Variants in TLN2 observed in about 807,000 individuals in gnomAD.
TLN2 encodes the protein talin 2, also known as talin-2.
In TLN2, 118 loss-of-function variants were observed where a neutral mutation model predicts 294.7. The ratio of observed to expected loss-of-function variants is 0.40; its 90% CI spans 0.34 to 0.47. The LOEUF is 0.47. TLN2 is among the 20% of genes least tolerant of loss of function. TLN2 has a pLI of 0.84. For missense variants in TLN2, 3,083 were observed against 3,282.2 expected, an observed-to-expected ratio of 0.94 and a Z score of 1.48; for synonymous variants, 1,431 against 1,304.5, an observed-to-expected ratio of 1.10 and a Z score of -2.09.
At chr15:62,732,684 A>T (rs2060794627) in intron 28 of TLN2, among the ~76,000 whole-genome samples, 1 of 152,196 alleles carries the variant, frequency 6.6e-6, no homozygotes, top group Non-Finnish European at 1.5e-5. Flanking sequence ...CAGGTAAGAG[A>T]TGGTAGTGTC....
intron 1 of TLN2, among the ~76,000 whole-genome samples, chr15:62,589,028 C>T (rs1350146882): frequency 6.6e-6 from 1 of 151,992 alleles, no homozygotes; most frequent in Non-Finnish European, 1.5e-5. Flanking sequence ...ATTGCACGTA[C>T]TTGGGACTGT....
intron 1 of TLN2, among the ~76,000 whole-genome samples, chr15:62,391,585 G>A (rs570409717): frequency 8.5e-5 from 13 of 152,254 alleles, no homozygotes; most frequent in African/African-American, 3.1e-4. Context: ...CTGGGTCCCG[G>A]GGAGAGCCCC....
chr15:62,652,083 G>A lies in TLN2; in HGVS notation c.313G>A (p.Asp105Asn). ...TGGATCTGTGAAGACAGTGATGGTG[G>A]ATGATTCCAAGACTGTGGGGGAGCT... ...LDGSVKTVMV[D>N]DSKTVGELLV... Residue 105 changes from aspartate (D) to asparagine (N), a missense_variant, in exon 6 of 59, where the codon GAT becomes AAT. Transcript: ENST00000636159. The A allele has an allele frequency of 6.2e-7, 1 of 1,611,724 alleles. No individual in the cohort carries two copies. The highest frequency in any genetic ancestry group is 8.5e-7 in the Non-Finnish European group (1 of 1,178,576).
intron 1 of TLN2, among the ~76,000 whole-genome samples, chr15:62,572,942 T>G (rs4775515): frequency 0.87 from 132,387 of 152,126 alleles, 57,871 homozygotes; most frequent in East Asian, 1. Flanking sequence ...CCTGGCCAAG[T>G]CCCGGCTTCA....
At chr15:62,588,690 A>G (rs537278855) in intron 1 of TLN2, among the ~76,000 whole-genome samples, 1 of 135,870 alleles carries the variant, frequency 7.4e-6, no homozygotes, top group Non-Finnish European at 1.6e-5. Flanking sequence ...ATATATATAT[A>G]TATATATATA....
chr15:62,785,491 C>T (rs2064562734), intron 45 of TLN2, among the ~76,000 whole-genome samples: 1 of 152,124 alleles, frequency 6.6e-6, no homozygotes, highest in African/African-American at 2.4e-5. Context: ...GGCGTACCCC[C>T]TTGTCTACAA....
intron 1 of TLN2, among the ~76,000 whole-genome samples, chr15:62,399,247 C>G (rs147959911): frequency 1.0e-5 from 1 of 95,532 alleles, no homozygotes; most frequent in South Asian, 3.7e-4. Flanking sequence ...AGCGAGACTC[C>G]GTCTCAAACA....
At position 62,761,786 on chromosome 15, in the gene TLN2, G is replaced by A. The variant is rs763365243; in HGVS notation, c.4744G>A (p.Glu1582Lys). 6.2e-7 allele frequency: 1 copy of A among 1,614,164 alleles called. No individual in the cohort carries two copies. The highest frequency in any genetic ancestry group is 1.3e-5 in the African/African-American group (1 of 75,036). Residue 1582 changes from glutamate (E) to lysine (K), a missense_variant, in exon 38 of 59, where the codon GAG becomes AAG. Coordinates refer to ENST00000636159, the MANE Select transcript of TLN2 (RefSeq NM_015059.3). ...ENLTAFASNP[E>K]FVSIPAQISS... ...CCTGACAGCGTTCGCCTCAAACCCTGAGTTTGTCAGCATTCCTGCCCAGAT... is the reference window on the plus strand; with the variant it reads ...CCTGACAGCGTTCGCCTCAAACCCTAAGTTTGTCAGCATTCCTGCCCAGAT...
intron 1 of TLN2, among the ~76,000 whole-genome samples, chr15:62,514,517 G>T (rs1393927818): frequency 6.6e-6 from 1 of 152,158 alleles, no homozygotes; most frequent in African/African-American, 2.4e-5. Flanking sequence ...ATTCACAGTG[G>T]TCATTAGCAT....
At chr15:62,482,440 TA>T (rs1427237224) in intron 1 of TLN2, among the ~76,000 whole-genome samples, 2 of 150,728 alleles carry the variant, frequency 1.3e-5, no homozygotes, top group Non-Finnish European at 3.0e-5. Context: ...CCATCTCTGC[TA>T]AAAATACAAA....
chr15:62,693,798 A>T (rs976748685), intron 13 of TLN2, among the ~76,000 whole-genome samples: 2 of 152,070 alleles, frequency 1.3e-5, no homozygotes, highest in African/African-American at 2.4e-5. Context: ...TATATATTAA[A>T]TCATATATTT....
intron 1 of TLN2, among the ~76,000 whole-genome samples, chr15:62,566,224 G>T (rs980234582): frequency 6.6e-6 from 1 of 152,062 alleles, no homozygotes; most frequent in Non-Finnish European, 1.5e-5. Context: ...CCAGTAGCTG[G>T]GGAGAAAGTT....
intron 3 of TLN2, among the ~76,000 whole-genome samples, chr15:62,624,580 C>CA (rs1381809314): frequency 2.6e-5 from 4 of 151,940 alleles, no homozygotes; most frequent in Non-Finnish European, 1.5e-5. Flanking sequence ...GAAAATATCA[C>CA]AGAAGAGCAG....
rs60589441 is a variant in TLN2 at position 62,673,072 on chromosome 15, T to TTGTGTGTGTGTGTGTGTGTGTGTG, written c.789-751_789-728dup. ...TATATAATGTAATATCCTAATTTAA[T>TTGTGTGTGTGTGTGTGTGTGTGTG]TGTGTGTGTGTGTGTGTGTGTGTGT... is the stretch of plus-strand genomic sequence containing the variant. On this transcript the variant is annotated intron_variant, in intron 9 of 58. Coordinates refer to ENST00000636159, the MANE Select transcript of TLN2 (RefSeq NM_015059.3). 9.7e-4 allele frequency among the ~76,000 whole-genome samples: 141 copies of TTGTGTGTGTGTGTGTGTGTGTGTG among 144,898 alleles called. 3 individuals carry two copies. Among genetic ancestry groups the TTGTGTGTGTGTGTGTGTGTGTGTG allele is most frequent in the Middle Eastern group, 6.9e-3 (2 of 288 alleles).
At chr15:62,455,684 G>A (rs942492880) in intron 1 of TLN2, among the ~76,000 whole-genome samples, 6 of 152,138 alleles carry the variant, frequency 3.9e-5, no homozygotes, top group Middle Eastern at 3.2e-3. Context: ...TGCCCTGCTC[G>A]GGGCTGCCTG....
At chr15:62,428,777 C>G (rs567653087) in intron 1 of TLN2, among the ~76,000 whole-genome samples, 1 of 152,180 alleles carries the variant, frequency 6.6e-6, no homozygotes, top group African/African-American at 2.4e-5. Context: ...AGGTGTCATA[C>G]GTCGTGTGTT....
At chr15:62,692,042 T>G (rs1310094875) in intron 12 of TLN2, among the ~76,000 whole-genome samples, 2 of 152,330 alleles carry the variant, frequency 1.3e-5, no homozygotes, top group East Asian at 3.9e-4. Context: ...AAGTTTAGCG[T>G]GTAGTATTCT....
At chr15:62,827,035 C>G (rs906069367) in intron 54 of TLN2, among the ~76,000 whole-genome samples, 2 of 150,636 alleles carry the variant, frequency 1.3e-5, no homozygotes, top group African/African-American at 4.9e-5. Context: ...AGAAGGGCGA[C>G]CATTGTGTTT....
At chr15:62,559,847 A>G (rs113080336) in intron 1 of TLN2, among the ~76,000 whole-genome samples, 1 of 152,088 alleles carries the variant, frequency 6.6e-6, no homozygotes, top group African/African-American at 2.4e-5. Flanking sequence ...TATTATCCAG[A>G]TGAACTTGCA....
Sources: allele counts gnomAD v4.1 joint callset (sites outside exome capture counted in the v4.1 genomes callset), GRCh38; gene constraint gnomAD v4.1.1; transcripts MANE v1.5; gene names NCBI Gene and HGNC (gene_info 2026-07-23, HGNC 2026-07-21).